Variants in NEK11 observed in about 807,000 individuals in gnomAD.
NEK11 encodes the protein serine/threonine-protein kinase Nek11.
A neutral mutation model predicts 80.7 loss-of-function variants in NEK11; 72 were observed. That is an observed-to-expected ratio of 0.89 (90% CI 0.74 to 1.08). The LOEUF is 1.08. Among genes scored for constraint, NEK11 ranks in the 50% least tolerant of loss-of-function variants. NEK11 has a pLI of 0.00. For missense variants in NEK11, 764 were observed against 763.6 expected (o/e 1.00, Z -0.01); for synonymous variants, 251 against 260.7 (o/e 0.96, Z 0.36).
chr3:131,158,893 G>A (rs1259458210), intron 10 of NEK11, among the ~76,000 whole-genome samples: 1 of 152,174 alleles, frequency 6.6e-6, no homozygotes, highest in Non-Finnish European at 1.5e-5. Context: ...TCAGAGTGTA[G>A]TGACCAGCTG....
intron 12 of NEK11, among the ~76,000 whole-genome samples, chr3:131,167,896 T>C (rs1009224932): frequency 6.6e-6 from 1 of 152,224 alleles, no homozygotes; most frequent in African/African-American, 2.4e-5. Flanking sequence ...TATTCTTTGA[T>C]CTTCTGAGAT....
intron 17 of NEK11, among the ~76,000 whole-genome samples, chr3:131,321,618 C>A (rs2096897764): frequency 6.6e-6 from 1 of 151,964 alleles, no homozygotes; most frequent in East Asian, 1.9e-4. Flanking sequence ...GGTCTAGTAT[C>A]CAGAATCTTT....
At chr3:131,298,417 C>G (rs1012928505) in intron 17 of NEK11, among the ~76,000 whole-genome samples, 2 of 152,094 alleles carry the variant, frequency 1.3e-5, no homozygotes, top group Non-Finnish European at 2.9e-5. Flanking sequence ...ATTTTATTCT[C>G]TTTGAAGCAA....
chr3:131,071,930 T>G (rs537934982), intron 3 of NEK11, among the ~76,000 whole-genome samples: 52 of 152,354 alleles, frequency 3.4e-4, no homozygotes, highest in African/African-American at 1.2e-3. Flanking sequence ...TTATACAGCA[T>G]AGCTATACCT....
chr3:131,341,656 T>C (rs1477874773), intron 17 of NEK11, among the ~76,000 whole-genome samples: 1 of 152,244 alleles, frequency 6.6e-6, no homozygotes, highest in African/African-American at 2.4e-5. Flanking sequence ...TGTAGTCCTC[T>C]ATGTATTTTG....
intron 3 of NEK11, among the ~76,000 whole-genome samples, chr3:131,034,450 A>C (rs1034935933): frequency 1.3e-5 from 2 of 151,944 alleles, no homozygotes; most frequent in Non-Finnish European, 2.9e-5. Flanking sequence ...CCCAGGCTGG[A>C]GTGCAGTGGC....
chr3:131,302,551 C>G (rs1581648411), intron 17 of NEK11, among the ~76,000 whole-genome samples: 3 of 152,288 alleles, frequency 2.0e-5, no homozygotes, highest in South Asian at 4.1e-4. Context: ...TATGTTTTAT[C>G]TTTGTTCTCA....
At chr3:131,202,502 G>A (rs1054571650) in intron 14 of NEK11, among the ~76,000 whole-genome samples, 6 of 152,108 alleles carry the variant, frequency 3.9e-5, no homozygotes, top group South Asian at 2.1e-4. Context: ...GCTAGTCCAA[G>A]ATCAAACTGC....
intron 5 of NEK11, among the ~76,000 whole-genome samples, chr3:131,120,822 G>A (rs574124011): frequency 3.9e-5 from 6 of 152,268 alleles, no homozygotes; most frequent in Admixed American, 1.3e-4. Context: ...ATGGTTTTCA[G>A]TTCCATCAGG....
rs548088923 is a variant in NEK11 at position 131,043,173 on chromosome 3, G to T, written c.170+13295G>T. 2.6e-5 allele frequency among the ~76,000 whole-genome samples: 4 copies of T among 152,160 alleles called. No homozygotes were observed. In the South Asian group the frequency reaches 8.3e-4, roughly 32 times the overall value. The stretch of plus-strand genomic sequence containing the variant: ...AGATGAGGAAAAACCAGCGCAAAAA[G>T]GCTGAAAATTCCAAAAACCAGAATG... On this transcript the variant is annotated intron_variant, in intron 3 of 17. Coordinates refer to ENST00000383366, the MANE Select transcript of NEK11 (RefSeq NM_024800.5).
rs530668082 is a variant in NEK11 at position 131,146,071 on chromosome 3, G to C, written c.648-6317G>C. Among the ~76,000 whole-genome samples the C allele has an allele frequency of 5.3e-5, 8 of 152,104 alleles. No homozygotes were observed. The East Asian group carries it at 7.7e-4, about 15-fold the overall frequency. ...TGGATCAGGGGTTGTTGCTCCCAAG[G>C]GTTGTTGTTACAGCCCTTCCGATAT... On this transcript the variant is annotated intron_variant, in intron 7 of 17. Coordinates refer to ENST00000383366, the MANE Select transcript of NEK11 (RefSeq NM_024800.5).
chr3:131,168,361 A>ATT (rs1560756543), intron 12 of NEK11, among the ~76,000 whole-genome samples: 17 of 138,448 alleles, frequency 1.2e-4, no homozygotes, highest in African/African-American at 3.2e-4. Flanking sequence ...ATTTTTATTT[A>ATT]TTTATTTTTT....
At chr3:131,237,658 C>T (rs1242079244) in intron 15 of NEK11, among the ~76,000 whole-genome samples, 1 of 152,082 alleles carries the variant, frequency 6.6e-6, no homozygotes, top group Non-Finnish European at 1.5e-5. Flanking sequence ...ACTCACATAT[C>T]CAGTCTGCCT....
chr3:131,083,012 G>A lies in NEK11; in HGVS notation c.336+2424G>A, dbSNP rs74391928. 5.3e-3 allele frequency among the ~76,000 whole-genome samples: 802 copies of A among 152,282 alleles called. 7 individuals carry two copies. Among genetic ancestry groups the A allele is most frequent in the African/African-American group, 0.018 (731 of 41,538 alleles). ...TATGAAACCCAGTGGTTCTCAAAGT[G>A]TGACCCCAGACCAGTATCATCAGCA... On this transcript the variant is annotated intron_variant, in intron 4 of 17. Transcript: ENST00000383366.
chr3:131,311,426 GC>G (rs776147306), intron 17 of NEK11, among the ~76,000 whole-genome samples: 13 of 152,144 alleles, frequency 8.5e-5, no homozygotes, highest in Non-Finnish European at 1.0e-4. Flanking sequence ...ACACAAGAAA[GC>G]CCAAGACTTT....
In NEK11 at chr3:131,170,816, C is replaced by G; in HGVS notation, c.1328C>G (p.Pro443Arg). 2 of 1,614,132 alleles carry G rather than the reference C, an allele frequency of 1.2e-6. No individual in the cohort carries two copies. The highest frequency in any genetic ancestry group is 2.2e-5 in the South Asian group (2 of 91,078). Reference protein sequence around the residue: ...PTLENLPESQPIPSMDLHELE... With the variant: ...PTLENLPESQRIPSMDLHELE... ...TTAGAGAACCTGCCTGAGTCTCAGCCTATTCCTTCCATGGACCTCCACGAA... is the reference window on the plus strand; with the variant it reads ...TTAGAGAACCTGCCTGAGTCTCAGCGTATTCCTTCCATGGACCTCCACGAA... The change falls in exon 14 of 18, where the codon CCT becomes CGT. Residue 443 changes from proline to arginine, a missense_variant. Transcript: ENST00000383366.
chr3:131,322,583 G>A (rs561036828), intron 17 of NEK11, among the ~76,000 whole-genome samples: 5 of 152,212 alleles, frequency 3.3e-5, no homozygotes, highest in South Asian at 2.1e-4. Context: ...TGTGTTTCTC[G>A]AACTCTAATG....
intron 17 of NEK11, among the ~76,000 whole-genome samples, chr3:131,337,124 C>T (rs1014043650): frequency 1.3e-5 from 2 of 152,074 alleles, no homozygotes; most frequent in Non-Finnish European, 2.9e-5. Context: ...GGTATATACC[C>T]AAAGGACTAT....
At chr3:131,064,570 C>T (rs897061611) in intron 3 of NEK11, among the ~76,000 whole-genome samples, 1 of 152,038 alleles carries the variant, frequency 6.6e-6, no homozygotes, top group Non-Finnish European at 1.5e-5. Flanking sequence ...TTGAGACCAA[C>T]ATATGAATTT....
Sources: allele counts gnomAD v4.1 joint callset (sites outside exome capture counted in the v4.1 genomes callset), GRCh38; gene constraint gnomAD v4.1.1; transcripts MANE v1.5; gene names NCBI Gene and HGNC (gene_info 2026-07-23, HGNC 2026-07-21).